Variants in PATJ observed in about 807,000 individuals in gnomAD.
PATJ encodes the protein inaD-like protein.
In PATJ, 190 loss-of-function variants were observed where a neutral mutation model predicts 224.9. That is an observed-to-expected ratio of 0.84 (90% CI 0.75 to 0.95). The LOEUF (loss-of-function observed/expected upper bound fraction) is 0.95, where lower values mean the gene tolerates loss of function less well. Ranked by LOEUF, PATJ falls within the 40% of genes least tolerant of loss-of-function variation. The probability of loss-of-function intolerance (pLI) is 0.00; values close to 1 mark genes in which losing one functional copy is unlikely to be tolerated. For missense variants in PATJ, 2,121 were observed against 2,270.3 expected (o/e 0.93, Z 1.34); for synonymous variants, 769 against 820.3 (o/e 0.94, Z 1.07).
intron 31 of PATJ, among the ~76,000 whole-genome samples, chr1:62,078,338 A>G (rs988858157): frequency 6.6e-6 from 1 of 152,178 alleles, no homozygotes; most frequent in African/African-American, 2.4e-5. Context: ...GCTGGAGTGC[A>G]ATGGCACGGT....
intron 25 of PATJ, among the ~76,000 whole-genome samples, chr1:61,913,938 A>G (rs1302597472): frequency 6.6e-6 from 1 of 152,214 alleles, no homozygotes; most frequent in African/African-American, 2.4e-5. Context: ...CAGTATGTGA[A>G]CTTGTTTTTA....
chr1:61,861,304 T>TTTTTTTTTTTTTTTTTG (rs1664551691), intron 18 of PATJ, among the ~76,000 whole-genome samples: 1 of 135,460 alleles, frequency 7.4e-6, no homozygotes, highest in Non-Finnish European at 1.6e-5. Context: ...TTTTTTTTTT[T>TTTTTTTTTTTTTTTTTG]TTTACGTGAA....
At chr1:62,105,789 G>T (rs1345750813) in intron 33 of PATJ, among the ~76,000 whole-genome samples, 1 of 151,988 alleles carries the variant, frequency 6.6e-6, no homozygotes, top group Non-Finnish European at 1.5e-5. Flanking sequence ...GTGATAAAAT[G>T]AAAGTACGGT....
rs1337557043 is a variant in PATJ, at chr1:61,879,255, A to G, written c.2959+3889A>G. Among the ~76,000 whole-genome samples the G allele has an allele frequency of 2.6e-5, 4 of 152,194 alleles. No homozygotes were observed. The East Asian group carries it at 7.7e-4, about 29-fold the overall frequency. Reference sequence around the variant, plus strand: ...TCTCTAACATAGGCCATAGGACTCTATGCACAAGTTGCCTTGGTTATTCTT... The same window carrying G: ...TCTCTAACATAGGCCATAGGACTCTGTGCACAAGTTGCCTTGGTTATTCTT... On this transcript the variant is annotated intron_variant, in intron 21 of 43. Coordinates refer to ENST00000642238, the MANE Select transcript of PATJ (RefSeq NM_001350145.3).
intron 27 of PATJ, among the ~76,000 whole-genome samples, chr1:61,980,437 TTG>T (rs148389720): frequency 0.057 from 7,370 of 129,474 alleles, 208 homozygotes; most frequent in Middle Eastern, 0.1. Flanking sequence ...CTTATATAAT[TTG>T]TGTGTGTGTG....
chr1:61,842,808 G>A (rs1448463921), intron 17 of PATJ, among the ~76,000 whole-genome samples: 5 of 146,220 alleles, frequency 3.4e-5, no homozygotes, highest in Admixed American at 2.1e-4. Flanking sequence ...GAAGAAACTC[G>A]GTCCCCAGAG....
chr1:61,976,999 A>G (rs1176452972), intron 27 of PATJ, among the ~76,000 whole-genome samples: 1 of 152,028 alleles, frequency 6.6e-6, no homozygotes, highest in African/African-American at 2.4e-5. Flanking sequence ...ATAGTCTGTA[A>G]TTAAATTTAT....
intron 27 of PATJ, among the ~76,000 whole-genome samples, chr1:61,974,721 AAAT>A (rs1644034463): frequency 6.6e-6 from 1 of 152,006 alleles, no homozygotes. Flanking sequence ...TTATACTAAA[AAAT>A]AATAATTTAA....
chr1:62,103,094 A>G (rs141553452), intron 33 of PATJ, among the ~76,000 whole-genome samples: 2 of 152,208 alleles, frequency 1.3e-5, no homozygotes, highest in African/African-American at 4.8e-5. Context: ...CACGCCCTCA[A>G]GTTTCTGCTG....
intron 16 of PATJ, chr1:61,833,422 A>T: frequency 3.0e-6 from 1 of 335,448 alleles, no homozygotes; most frequent in East Asian, 5.3e-5. Flanking sequence ...CACATTAATA[A>T]AAAAAACTGT....
At chr1:61,950,719 TTTTG>T (rs954683709) in intron 27 of PATJ, among the ~76,000 whole-genome samples, 8 of 152,226 alleles carry the variant, frequency 5.3e-5, no homozygotes, top group Admixed American at 2.6e-4. Context: ...TTTTTTTGTT[TTTTG>T]TTTGTTTGTT....
rs552762225 is a variant in PATJ, at chr1:61,995,778, T to C, written c.3867+5414T>C. On this transcript the variant is annotated intron_variant, in intron 28 of 43. Transcript: ENST00000642238. Reference sequence around the variant, plus strand: ...ACCATGTGGACTGGAATGAGACTTATGCTAGAGTATTGGCTTTCCCAAAGC... The same window carrying C: ...ACCATGTGGACTGGAATGAGACTTACGCTAGAGTATTGGCTTTCCCAAAGC... Among the ~76,000 whole-genome samples, 12 of 152,360 alleles carry C rather than the reference T, an allele frequency of 7.9e-5. No individual in the cohort carries two copies. The East Asian group carries it at 2.1e-3, about 27-fold the overall frequency.
chr1:62,162,962 C>A lies in PATJ; in HGVS notation c.*1908C>A, dbSNP rs562492143. 9.5e-5 allele frequency: 39 copies of A among 409,692 alleles called. No individual in the cohort carries two copies. In the Admixed American group the frequency reaches 1.0e-3, roughly 11 times the overall value. The allele number at this position is 409,692 out of a possible 1,614,324, so 25.4% of individuals were successfully genotyped here. A position where few individuals can be genotyped will look rare whatever the true frequency, so the allele number is the denominator to read the frequency against. ...ACTCTGTCTCGAAAAAGAAAAAAAA[C>A]CATGAAGGATGAGTACTAGAGTCAG... On this transcript the variant is annotated 3_prime_UTR_variant, in exon 44 of 44. Transcript: ENST00000642238.
intron 22 of PATJ, among the ~76,000 whole-genome samples, chr1:61,897,035 C>T (rs750611188): frequency 1.4e-5 from 2 of 146,736 alleles, no homozygotes; most frequent in African/African-American, 2.5e-5. Context: ...TACATCAATA[C>T]GATGGCCTAT....
At chr1:61,967,735 C>T (rs1158627028) in intron 27 of PATJ, among the ~76,000 whole-genome samples, 3 of 152,194 alleles carry the variant, frequency 2.0e-5, no homozygotes, top group Non-Finnish European at 4.4e-5. Flanking sequence ...TAGAATTGCC[C>T]ATAAGAGATT....
At chr1:62,145,078 G>T (rs1212844052) in intron 41 of PATJ, among the ~76,000 whole-genome samples, 1 of 152,068 alleles carries the variant, frequency 6.6e-6, no homozygotes, top group Non-Finnish European at 1.5e-5. Flanking sequence ...GCTTCCAAAA[G>T]TGCTAGGATT....
At chr1:61,968,087 C>T (rs930479477) in intron 27 of PATJ, among the ~76,000 whole-genome samples, 4 of 152,050 alleles carry the variant, frequency 2.6e-5, no homozygotes, top group Non-Finnish European at 4.4e-5. Flanking sequence ...ATACCAACAC[C>T]GGAGAGAAAA....
intron 14 of PATJ, among the ~76,000 whole-genome samples, chr1:61,814,547 T>TGTGTGTGTGTGTGTGTGCGCGC (rs370488022): frequency 8.4e-5 from 12 of 142,572 alleles, no homozygotes; most frequent in African/African-American, 3.0e-4. Context: ...TGTGTGTGTG[T>TGTGTGTGTGTGTGTGTGCGCGC]GCGCGCGCGC....
intron 31 of PATJ, chr1:62,073,333 G>T (rs546026493): frequency 6.1e-6 from 6 of 985,152 alleles, no homozygotes; most frequent in South Asian, 9.4e-5. Flanking sequence ...GCTTAAAAGG[G>T]CATCCCTGGC....
Sources: gnomAD v4.1 joint callset for allele counts (sites outside exome capture counted in the v4.1 genomes callset) on GRCh38, gnomAD v4.1.1 for gene constraint, MANE v1.5 for transcripts, NCBI Gene and HGNC (gene_info 2026-07-23, HGNC 2026-07-21) for gene names.